Variants in TOP1MT observed in about 807,000 individuals in gnomAD.
TOP1MT encodes DNA topoisomerase I mitochondrial, also known as DNA topoisomerase I, mitochondrial.
A neutral mutation model predicts 73.9 loss-of-function variants in TOP1MT; 80 were observed. The observed-to-expected ratio is 1.08, with a 90% CI of 0.90 to 1.30. The LOEUF (loss-of-function observed/expected upper bound fraction) is 1.30, where lower values mean the gene tolerates loss of function less well. TOP1MT is among the 50% of genes most tolerant of loss of function. TOP1MT has a pLI of 0.00. For synonymous variants in TOP1MT, 338 were observed against 326.4 expected, an observed-to-expected ratio of 1.04 and a Z score of -0.38; for missense variants, 815 against 808.0, an observed-to-expected ratio of 1.01 and a Z score of -0.10.
chr8:143,340,487 C>A (rs1029791294), intron 2 of TOP1MT, among the ~76,000 whole-genome samples: 2 of 152,078 alleles, frequency 1.3e-5, no homozygotes, highest in African/African-American at 4.8e-5. Context: ...TTCTTCTCTC[C>A]CTCTGGACAC....
At chr8:143,339,576 T>C (rs1222900541), upstream of TOP1MT, among the ~76,000 whole-genome samples, 1 of 152,192 alleles carries the variant, frequency 6.6e-6, no homozygotes, top group African/African-American at 2.4e-5. Flanking sequence ...CCCAGTACCC[T>C]ACAACCCACA....
intron 12 of TOP1MT, among the ~76,000 whole-genome samples, chr8:143,312,406 G>A (rs1816037067): frequency 6.6e-6 from 1 of 152,048 alleles, no homozygotes; most frequent in South Asian, 2.1e-4. Context: ...ATGCAAGGAT[G>A]GTTTCATATC....
At chr8:143,357,426 G>A (rs182720882), upstream of TOP1MT, among the ~76,000 whole-genome samples, 26 of 151,364 alleles carry the variant, frequency 1.7e-4, no homozygotes, top group Non-Finnish European at 2.5e-4. Flanking sequence ...AAAAAAGTTC[G>A]AGAGTAAAAA....
intron 2 of TOP1MT, among the ~76,000 whole-genome samples, chr8:143,342,802 A>ATTAT (rs71313300): frequency 6.7e-6 from 1 of 149,826 alleles, no homozygotes; most frequent in African/African-American, 2.4e-5. Flanking sequence ...TATTATTATT[A>ATTAT]GAGACAGAGT....
intron 8 of TOP1MT, among the ~76,000 whole-genome samples, chr8:143,320,485 T>A (rs1041806465): frequency 2.0e-5 from 3 of 152,176 alleles, no homozygotes; most frequent in Non-Finnish European, 2.9e-5. Context: ...CCAAGTGGTC[T>A]CAAACTCCTG....
chr8:143,317,773 G>A lies in TOP1MT; in HGVS notation c.1280C>T (p.Thr427Ile). Residue 427 changes from threonine (T) to isoleucine (I), a missense_variant, in exon 10 of 14, where the codon ACC (threonine) becomes ATC (isoleucine). Coordinates refer to ENST00000329245, the MANE Select transcript of TOP1MT (RefSeq NM_052963.3). ...CTGCAGAGTGATGGAGGCGTTGTAG[G>A]TCCGGAACACCTTGGCCGTCAGCCC... The part of the protein sequence containing the change: ...MDGLTAKVFR[T>I]YNASITLQEQ... The A allele has an allele frequency of 6.2e-7, 1 of 1,614,152 alleles. No homozygotes were observed. The highest frequency in any genetic ancestry group is 8.5e-7 in the Non-Finnish European group (1 of 1,180,030).
At chr8:143,324,344 C>T in intron 6 of TOP1MT, 141 bp downstream of exon 6, 1 of 1,388,894 alleles carries the variant, frequency 7.2e-7, no homozygotes, top group Non-Finnish European at 9.8e-7. Flanking sequence ...TGCCTGCTGG[C>T]ACAGCATGAC....
chr8:143,347,370 T>C (rs1226080637), upstream of TOP1MT, among the ~76,000 whole-genome samples: 6 of 152,222 alleles, frequency 3.9e-5, no homozygotes, highest in Non-Finnish European at 7.3e-5. Context: ...TTAGCCAGGA[T>C]GGTCTTGATC....
At position 143,332,625 on chromosome 8, in the gene TOP1MT, C is replaced by T. The variant is rs998484043; in HGVS notation, c.123-1286G>A. 3 of 1,245,060 alleles carry T rather than the reference C, an allele frequency of 2.4e-6. No individual in the cohort carries two copies. In the African/African-American group the frequency reaches 4.6e-5, roughly 19 times the overall value. The allele number at this position is 1,245,060 out of a possible 1,614,324, so 77.1% of individuals were successfully genotyped here. ...GTCTGAGAGGGGAAAGCATGTGCAA[C>T]AGACATTTCTGAAAGGGCCTTTCTG... On this transcript the variant is annotated intron_variant, in intron 1 of 13. Transcript: ENST00000329245.
chr8:143,324,261 G>T (rs1208419384), intron 6 of TOP1MT, 119 bp from the exon 7 acceptor site: 5 of 1,450,240 alleles, frequency 3.4e-6, no homozygotes, highest in Non-Finnish European at 4.7e-6. Flanking sequence ...CCGTGGTCAG[G>T]GGCTGGGGCA....
At chr8:143,346,884 C>T (rs890457528), upstream of TOP1MT, among the ~76,000 whole-genome samples, 1 of 152,160 alleles carries the variant, frequency 6.6e-6, no homozygotes, top group Non-Finnish European at 1.5e-5. Context: ...GGTAAGAAAT[C>T]TACTCTCAAG....
At chr8:143,328,776 G>C (rs899821493) in intron 3 of TOP1MT, among the ~76,000 whole-genome samples, 3 of 152,250 alleles carry the variant, frequency 2.0e-5, no homozygotes, top group African/African-American at 7.2e-5. Context: ...GAGCCAGGAA[G>C]ATGCTGCGGG....
intron 12 of TOP1MT, among the ~76,000 whole-genome samples, chr8:143,311,565 G>A (rs959565631): frequency 1.1e-4 from 17 of 152,186 alleles, no homozygotes; most frequent in Non-Finnish European, 2.4e-4. Flanking sequence ...GGCTAACATG[G>A]TGAAACTCCG....
chr8:143,357,115 C>T (rs1245872689), upstream of TOP1MT, among the ~76,000 whole-genome samples: 1 of 135,526 alleles, frequency 7.4e-6, no homozygotes, highest in Non-Finnish European at 1.6e-5. Context: ...AAAAAAGCTT[C>T]ATGAGGCTGA....
At chr8:143,321,174 G>T (rs776658414) in intron 8 of TOP1MT, 27 bp downstream of exon 8, 5 of 1,548,950 alleles carry the variant, frequency 3.2e-6, no homozygotes, top group East Asian at 4.8e-5. Context: ...GTCACATAGC[G>T]GGGGCAGCTG....
intron 13 of TOP1MT, chr8:143,309,864 A>G: frequency 6.5e-7 from 1 of 1,538,452 alleles, no homozygotes; most frequent in Non-Finnish European, 8.7e-7. Flanking sequence ...CAGCACCCCC[A>G]CTTCACCCTG....
At chr8:143,312,419 A>C (rs1816037444) in intron 12 of TOP1MT, among the ~76,000 whole-genome samples, 1 of 152,222 alleles carries the variant, frequency 6.6e-6, no homozygotes, top group Non-Finnish European at 1.5e-5. Flanking sequence ...TTCATATCTG[A>C]TCAATTAGTA....
chr8:143,338,478 A>T (rs1817019984), upstream of TOP1MT, among the ~76,000 whole-genome samples: 1 of 151,982 alleles, frequency 6.6e-6, no homozygotes, highest in Non-Finnish European at 1.5e-5. Context: ...GAAACAGGAG[A>T]ATCACTTGAA....
chr8:143,327,846 AC>A lies in TOP1MT; in HGVS notation c.360+1503del, dbSNP rs1338087235. 5 of 365,334 alleles carry A rather than the reference AC, an allele frequency of 1.4e-5. No homozygotes were observed. In the East Asian group the frequency reaches 4.2e-4, roughly 31 times the overall value. 22.6% of individuals were successfully genotyped at this position (365,334 alleles called of 1,614,324 possible). A position where few individuals can be genotyped will look rare whatever the true frequency, so the allele number is the denominator to read the frequency against. ...AGCAGCTGGCTCGGGGCAGTCAGAC[AC>A]CCACATGCAACACACGAGCCTCGGC... On this transcript the variant is annotated intron_variant, in intron 3 of 13. Coordinates refer to ENST00000329245, the MANE Select transcript of TOP1MT (RefSeq NM_052963.3).
Sources: allele counts gnomAD v4.1 joint callset (sites outside exome capture counted in the v4.1 genomes callset), GRCh38; gene constraint gnomAD v4.1.1; transcripts MANE v1.5; gene names NCBI Gene and HGNC (gene_info 2026-07-23, HGNC 2026-07-21).